The following SPIN1 variants were observed in gnomAD, a reference collection of about 807,000 sequenced individuals.
SPIN1 encodes the protein spindlin 1.
A neutral mutation model predicts 26.0 loss-of-function variants in SPIN1; 3 were observed. That is an observed-to-expected ratio of 0.12 (90% CI 0.05 to 0.30). The LOEUF (loss-of-function observed/expected upper bound fraction) is 0.30. Among genes scored for constraint, SPIN1 ranks in the 10% least tolerant of loss-of-function variants. SPIN1 has a pLI of 1.00. For missense variants in SPIN1, 126 were observed against 333.4 expected, an observed-to-expected ratio of 0.38 and a Z score of 4.84; for synonymous variants, 101 against 116.5, an observed-to-expected ratio of 0.87 and a Z score of 0.86.
intron 2 of SPIN1, among the ~76,000 whole-genome samples, chr9:88,440,583 T>C (rs867738560): frequency 6.7e-6 from 1 of 149,530 alleles, no homozygotes; most frequent in Non-Finnish European, 1.5e-5. Context: ...CTTTCTACCC[T>C]TTTTTTTTTC....
At chr9:88,405,853 T>G (rs973261636) in intron 1 of SPIN1, among the ~76,000 whole-genome samples, 1 of 151,614 alleles carries the variant, frequency 6.6e-6, no homozygotes, top group Non-Finnish European at 1.5e-5. Context: ...TTTGTTTGTT[T>G]TTGAGACAGG....
intron 1 of SPIN1, chr9:88,415,579 C>G (rs1827542605): frequency 6.6e-6 from 1 of 152,074 alleles, no homozygotes. Flanking sequence ...CCACACTTGG[C>G]TAATTTTTAT....
rs1828594367 is a variant in SPIN1, at chr9:88,462,517, T to C, written c.123T>C (p.Gly41=). 1 of 1,614,072 alleles carries C rather than the reference T, an allele frequency of 6.2e-7. No individual in the cohort carries two copies. The highest frequency in any genetic ancestry group is 8.5e-7 in the Non-Finnish European group (1 of 1,179,976). ...TSHKKHRSSV[G]PSKPVSQPRR... is the part of the protein sequence containing the mutation. Reference sequence around the variant, plus strand: ...ACAGAAAACATCGGAGCAGTGTGGGTCCGAGCAAACCTGTTTCCCAGCCCC... The same window carrying C: ...ACAGAAAACATCGGAGCAGTGTGGGCCCGAGCAAACCTGTTTCCCAGCCCC... The change falls in exon 4 of 6, where the codon GGT becomes GGC. Residue 41 remains glycine, a synonymous_variant. Coordinates refer to ENST00000375859, the MANE Select transcript of SPIN1 (RefSeq NM_006717.3).
At position 88,395,151 on chromosome 9, in the gene SPIN1, T is replaced by A. The variant is rs566247580; in HGVS notation, c.-159+6613T>A. Among the ~76,000 whole-genome samples the A allele has an allele frequency of 1.6e-4, 25 of 152,078 alleles. 1 individual carries two copies. The South Asian group carries it at 5.2e-3, about 32-fold the overall frequency. ...ACATGTAGAACATTTATGTGAACATTTATGTAGTTAAAAAATCTGATCTGT... is the reference window on the plus strand; with the variant it reads ...ACATGTAGAACATTTATGTGAACATATATGTAGTTAAAAAATCTGATCTGT... On this transcript the variant is annotated intron_variant, in intron 1 of 5. Transcript: ENST00000375859.
At chr9:88,471,428 G>T (rs946268486) in intron 5 of SPIN1, among the ~76,000 whole-genome samples, 8 of 151,914 alleles carry the variant, frequency 5.3e-5, no homozygotes, top group Non-Finnish European at 1.2e-4. Context: ...ACTTTGGGAG[G>T]CCAAGGCGGG....
chr9:88,417,915 A>G (rs1827598328), intron 1 of SPIN1, among the ~76,000 whole-genome samples: 1 of 152,226 alleles, frequency 6.6e-6, no homozygotes, highest in Admixed American at 6.5e-5. Flanking sequence ...TTACCATTTT[A>G]TAGTAAAGAA....
intron 3 of SPIN1, among the ~76,000 whole-genome samples, chr9:88,459,270 A>T (rs922677809): frequency 5.9e-5 from 9 of 152,228 alleles, no homozygotes; most frequent in African/African-American, 2.2e-4. Flanking sequence ...TAAGAAAAAA[A>T]GTATTGCTAC....
At chr9:88,470,718 C>T (rs906327844) in intron 5 of SPIN1, among the ~76,000 whole-genome samples, 5 of 152,210 alleles carry the variant, frequency 3.3e-5, no homozygotes, top group African/African-American at 1.2e-4. Context: ...CCTCAGCCTC[C>T]CCAGTAGCTG....
chr9:88,462,888 C>G, intron 4 of SPIN1, 139 bp downstream of exon 4: 2 of 1,027,320 alleles, frequency 1.9e-6, no homozygotes, highest in Non-Finnish European at 2.7e-6. Context: ...ATTAAATCAC[C>G]GAAAACCACA....
chr9:88,395,331 G>GCGTTCTATGCACACTGCTCTGC (rs56910768), intron 1 of SPIN1, among the ~76,000 whole-genome samples: 3 of 151,638 alleles, frequency 2.0e-5, no homozygotes, highest in Middle Eastern at 3.4e-3. Context: ...ACAATAGGCA[G>GCGTTCTATGCACACTGCTCTGC]CGTTCTATGC....
chr9:88,408,115 G>A (rs559771431), intron 1 of SPIN1, among the ~76,000 whole-genome samples: 4 of 151,464 alleles, frequency 2.6e-5, no homozygotes, highest in Non-Finnish European at 5.9e-5. Context: ...TCTGCCTTTA[G>A]TTTTCAACAG....
At chr9:88,443,909 C>G (rs967187064) in intron 2 of SPIN1, among the ~76,000 whole-genome samples, 1 of 148,724 alleles carries the variant, frequency 6.7e-6, no homozygotes, top group African/African-American at 2.6e-5. Context: ...GCCCCCAACC[C>G]CTGGAGTTTT....
rs368723742 is a variant in SPIN1, at chr9:88,433,379, G to A, written c.52+6788G>A. 2.6e-5 allele frequency among the ~76,000 whole-genome samples: 4 copies of A among 152,300 alleles called. No homozygotes were observed. In the South Asian group the frequency reaches 6.2e-4, roughly 24 times the overall value. On this transcript the variant is annotated intron_variant, in intron 2 of 5. Transcript: ENST00000375859. ...ACTACAGTCATGCACCAGTGTACCT[G>A]CTTATAAATTGCTTTTTAAATAGCC...
chr9:88,426,772 A>G (rs1031309818), intron 2 of SPIN1, among the ~76,000 whole-genome samples, 181 bp downstream of exon 2: 1 of 152,258 alleles, frequency 6.6e-6, no homozygotes, highest in Non-Finnish European at 1.5e-5. Flanking sequence ...AAGTAGTCAC[A>G]TGAAATTTCT....
At chr9:88,429,651 C>T (rs373511268) in intron 2 of SPIN1, among the ~76,000 whole-genome samples, 12 of 152,270 alleles carry the variant, frequency 7.9e-5, no homozygotes, top group African/African-American at 2.2e-4. Context: ...GATAGTGTTG[C>T]GCTATCTGGA....
Position 88,401,997 on chromosome 9 carries a change from C to G in SPIN1, c.-159+13459C>G, listed in dbSNP as rs149097860. Among the ~76,000 whole-genome samples the G allele has an allele frequency of 1.2e-3, 183 of 152,082 alleles. 3 individuals are homozygous for G. The East Asian group carries it at 0.034, about 28-fold the overall frequency. On this transcript the variant is annotated intron_variant, in intron 1 of 5. Coordinates refer to ENST00000375859, the MANE Select transcript of SPIN1 (RefSeq NM_006717.3). ...GCATCCATCACCTTGAGTATTTTAT[C>G]TTTTTGTTTTTGAGATGGAGTCTCG...
chr9:88,431,247 T>A (rs1405403019), intron 2 of SPIN1, among the ~76,000 whole-genome samples: 1 of 151,942 alleles, frequency 6.6e-6, no homozygotes, highest in Non-Finnish European at 1.5e-5. Context: ...GATGCTCATG[T>A]ACCTACTACT....
chr9:88,412,755 C>T (rs2117966555), intron 1 of SPIN1, among the ~76,000 whole-genome samples: 1 of 152,050 alleles, frequency 6.6e-6, no homozygotes, highest in East Asian at 1.9e-4. Context: ...GCGGTCTCAG[C>T]TCACTGCAAC....
chr9:88,448,858 G>T (rs1828305398), intron 2 of SPIN1, 83 bp from the exon 3 acceptor site: 1 of 1,353,550 alleles, frequency 7.4e-7, no homozygotes, highest in Admixed American at 1.8e-5. Flanking sequence ...CTGTATAGCA[G>T]TTTTTCAGAA....
Sources: allele counts gnomAD v4.1 joint callset (sites outside exome capture counted in the v4.1 genomes callset), GRCh38; gene constraint gnomAD v4.1.1; transcripts MANE v1.5; gene names NCBI Gene and HGNC (gene_info 2026-07-23, HGNC 2026-07-21).